Variants in CLSTN2 observed in about 807,000 individuals in gnomAD.
CLSTN2 encodes calsyntenin 2.
A neutral mutation model predicts 101.2 loss-of-function variants in CLSTN2; 48 were observed. The ratio of observed to expected loss-of-function variants is 0.47; its 90% CI spans 0.38 to 0.60. The LOEUF is 0.60. CLSTN2 is among the 20% of genes least tolerant of loss of function. The probability of loss-of-function intolerance (pLI) is 0.00; values close to 1 mark genes in which losing one functional copy is unlikely to be tolerated. For synonymous variants in CLSTN2, 481 were observed against 463.6 expected (o/e 1.04, Z -0.48); for missense variants, 1,160 against 1,238.2 (o/e 0.94, Z 0.95).
chr3:140,459,519 AG>A lies in CLSTN2; in HGVS notation c.974del. ...TATCCTTTCTTTCCTGACCCTCTGC[AG>A]GAGCCTCCTCTGGCATCATTGACCT... is the stretch of plus-strand genomic sequence containing the variant. On this transcript the variant is annotated splice_acceptor_variant, in intron 6 of 16. Transcript: ENST00000458420. LOFTEE classifies it high-confidence loss of function. The A allele has an allele frequency of 1.2e-6, 2 of 1,613,676 alleles. No homozygotes were observed. Among genetic ancestry groups the A allele is most frequent in the Non-Finnish European group, 1.7e-6 (2 of 1,179,644 alleles).
At position 140,459,518 on chromosome 3, in the gene CLSTN2, C is replaced by T; in HGVS notation, c.974-3C>T. On this transcript the variant is annotated splice_region_variant and splice_polypyrimidine_tract_variant and intron_variant, in intron 6 of 16. Transcript: ENST00000458420. ...TTATCCTTTCTTTCCTGACCCTCTG[C>T]AGGAGCCTCCTCTGGCATCATTGAC... 6.2e-7 allele frequency: 1 copy of T among 1,613,672 alleles called. No individual in the cohort carries two copies. Among genetic ancestry groups the T allele is most frequent in the African/African-American group, 1.3e-5 (1 of 75,052 alleles).
intron 2 of CLSTN2, among the ~76,000 whole-genome samples, chr3:140,314,005 A>G (rs1414631177): frequency 2.0e-5 from 3 of 152,180 alleles, no homozygotes; most frequent in Non-Finnish European, 4.4e-5. Context: ...ACAGTGGTTC[A>G]AGGAAATGAT....
intron 8 of CLSTN2, among the ~76,000 whole-genome samples, chr3:140,501,965 G>A (rs1040707777): frequency 2.0e-5 from 3 of 152,186 alleles, no homozygotes; most frequent in Non-Finnish European, 4.4e-5. Flanking sequence ...AACTCATTGT[G>A]TGACCTTGGA....
intron 1 of CLSTN2, among the ~76,000 whole-genome samples, chr3:140,024,735 T>C (rs2007384208): frequency 1.3e-5 from 2 of 152,228 alleles, no homozygotes; most frequent in Non-Finnish European, 1.5e-5. Flanking sequence ...GTCCAAATCT[T>C]GGCTTATAGC....
chr3:140,226,638 A>G (rs1260622003), intron 2 of CLSTN2, among the ~76,000 whole-genome samples: 1 of 152,204 alleles, frequency 6.6e-6, no homozygotes, highest in Non-Finnish European at 1.5e-5. Context: ...GAGAGACTAG[A>G]TAATGGAACA....
intron 6 of CLSTN2, 74 bp from the exon 7 acceptor site, chr3:140,459,447 T>C: frequency 2.6e-6 from 4 of 1,562,334 alleles, no homozygotes; most frequent in Non-Finnish European, 3.5e-6. Flanking sequence ...GTAGTTCACC[T>C]TGACCCAGGA....
At chr3:140,249,115 G>T (rs1165726623) in intron 2 of CLSTN2, among the ~76,000 whole-genome samples, 1 of 152,080 alleles carries the variant, frequency 6.6e-6, no homozygotes, top group Non-Finnish European at 1.5e-5. Flanking sequence ...TATGACTACT[G>T]GAGCCATGGA....
At position 140,263,388 on chromosome 3, in the gene CLSTN2, C is replaced by T. The variant is rs146200764; in HGVS notation, c.232+87315C>T. Among the ~76,000 whole-genome samples, 81 of 152,240 alleles carry T rather than the reference C, an allele frequency of 5.3e-4. No individual in the cohort carries two copies. In the East Asian group the frequency reaches 0.012, roughly 22 times the overall value. On this transcript the variant is annotated intron_variant, in intron 2 of 16. Coordinates refer to ENST00000458420, the MANE Select transcript of CLSTN2 (RefSeq NM_022131.3). ...TGGTGGGATTGGTCCTAATGGGTTA[C>T]AGGCACCCAGCTGGAAGATGTGGAA... is the stretch of plus-strand genomic sequence containing the variant.
At chr3:140,448,268 C>T (rs6439922) in intron 5 of CLSTN2, among the ~76,000 whole-genome samples, 32,176 of 151,602 alleles carry the variant, frequency 0.21, 4,083 homozygotes, top group African/African-American at 0.35. Context: ...CACGTGCCTG[C>T]ACATGTTTTG....
intron 6 of CLSTN2, among the ~76,000 whole-genome samples, chr3:140,457,060 T>C (rs1933419552): frequency 6.6e-6 from 1 of 152,204 alleles, no homozygotes. Flanking sequence ...GGAACAGCAA[T>C]GTCCTTAGCC....
rs145559796 is a variant in CLSTN2 at position 140,442,969 on chromosome 3, C to G, written c.788-5550C>G. Among the ~76,000 whole-genome samples the G allele has an allele frequency of 7.2e-3, 1,102 of 152,314 alleles. 15 individuals are homozygous for G. The highest frequency in any genetic ancestry group is 0.025 in the African/African-American group (1,028 of 41,552). ...CAGTAGGAGGGGAAGACCCTTGGTG[C>G]CCAAATCAAAGCCATTCATCCCTCA... On this transcript the variant is annotated intron_variant, in intron 5 of 16. Transcript: ENST00000458420.
chr3:140,152,395 T>C (rs1032203073), intron 1 of CLSTN2, among the ~76,000 whole-genome samples: 7 of 152,196 alleles, frequency 4.6e-5, no homozygotes, highest in Admixed American at 2.0e-4. Flanking sequence ...GTGGTCCCTC[T>C]AATATTCCCA....
At chr3:140,217,430 C>T (rs1435070349) in intron 2 of CLSTN2, among the ~76,000 whole-genome samples, 2 of 152,122 alleles carry the variant, frequency 1.3e-5, no homozygotes, top group Admixed American at 6.5e-5. Context: ...TATCTTCATT[C>T]AACCCACAAT....
At position 140,180,375 on chromosome 3, in the gene CLSTN2, G is replaced by A. The variant is rs1413175898; in HGVS notation, c.232+4302G>A. On this transcript the variant is annotated intron_variant, in intron 2 of 16. Transcript: ENST00000458420. ...TTAGTAAAGTGCTGATGCTCAGTCAGTGAAACCTCCCTCAGACTTCAGTCA... is the reference window on the plus strand; with the variant it reads ...TTAGTAAAGTGCTGATGCTCAGTCAATGAAACCTCCCTCAGACTTCAGTCA... 5.9e-5 allele frequency among the ~76,000 whole-genome samples: 9 copies of A among 152,304 alleles called. 1 individual carries two copies. In the South Asian group the frequency reaches 1.9e-3, roughly 32 times the overall value.
intron 1 of CLSTN2, among the ~76,000 whole-genome samples, chr3:140,053,893 T>G (rs1010277845): frequency 5.9e-5 from 9 of 152,194 alleles, no homozygotes; most frequent in Non-Finnish European, 1.2e-4. Flanking sequence ...AGGAACCTTT[T>G]TCACTGAAGC....
intron 1 of CLSTN2, among the ~76,000 whole-genome samples, chr3:139,993,620 A>G (rs1304411886): frequency 6.6e-6 from 1 of 152,150 alleles, no homozygotes; most frequent in East Asian, 1.9e-4. Context: ...CACCCTGCCA[A>G]AAAAGAAACT....
chr3:140,564,284 T>TC, intron 16 of CLSTN2, 139 bp downstream of exon 16: 1 of 701,122 alleles, frequency 1.4e-6, no homozygotes. Flanking sequence ...CACTGATTCT[T>TC]CCTGTCTCTG....
At chr3:140,468,332 C>T (rs1193545595) in intron 8 of CLSTN2, among the ~76,000 whole-genome samples, 1 of 152,042 alleles carries the variant, frequency 6.6e-6, no homozygotes, top group Non-Finnish European at 1.5e-5. Context: ...TTATAGATAT[C>T]CTGAGGCATT....
intron 10 of CLSTN2, among the ~76,000 whole-genome samples, chr3:140,555,123 G>A (rs779650383): frequency 3.3e-5 from 5 of 152,206 alleles, no homozygotes; most frequent in African/African-American, 7.2e-5. Context: ...GATGCAAGCC[G>A]ATGGACTAGC....
Sources: gnomAD v4.1 joint callset for allele counts (sites outside exome capture counted in the v4.1 genomes callset) on GRCh38, gnomAD v4.1.1 for gene constraint, MANE v1.5 for transcripts, NCBI Gene and HGNC (gene_info 2026-07-23, HGNC 2026-07-21) for gene names.